Variants in GRID1 observed in about 807,000 individuals in gnomAD.
GRID1 encodes glutamate receptor ionotropic, delta-1.
GRID1 carries 28 observed loss-of-function variants against 98.0 expected under a neutral mutation model. The observed-to-expected ratio is 0.29, with a 90% CI of 0.21 to 0.39. GRID1 has a LOEUF of 0.39. GRID1 is among the 10% of genes least tolerant of loss of function. The pLI is 1.00. For missense variants in GRID1, 1,111 were observed against 1,340.5 expected, an observed-to-expected ratio of 0.83 and a Z score of 2.67; for synonymous variants, 553 against 538.5, an observed-to-expected ratio of 1.03 and a Z score of -0.37.
chr10:86,337,533 C>T (rs1848239937), intron 2 of GRID1, among the ~76,000 whole-genome samples: 1 of 152,058 alleles, frequency 6.6e-6, no homozygotes, highest in Non-Finnish European at 1.5e-5. Flanking sequence ...GTAGGGGTGG[C>T]CTAGACAGCC....
chr10:86,235,308 C>A (rs1235730960), intron 2 of GRID1, among the ~76,000 whole-genome samples: 1 of 152,234 alleles, frequency 6.6e-6, no homozygotes, highest in Non-Finnish European at 1.5e-5. Context: ...GACCACAGAC[C>A]CAGGCCTGGA....
intron 8 of GRID1, among the ~76,000 whole-genome samples, chr10:85,802,183 C>T (rs146690138): frequency 2.0e-5 from 3 of 152,162 alleles, no homozygotes; most frequent in African/African-American, 4.8e-5. Flanking sequence ...TTGTTCTATA[C>T]AGCCAAAGAA....
chr10:85,994,101 G>A (rs1252171772), intron 4 of GRID1, among the ~76,000 whole-genome samples: 3 of 152,204 alleles, frequency 2.0e-5, no homozygotes, highest in Non-Finnish European at 2.9e-5. Context: ...GCCAGGAGCT[G>A]CAAACGGCTT....
intron 8 of GRID1, among the ~76,000 whole-genome samples, chr10:85,775,708 A>G (rs1384352943): frequency 6.6e-6 from 1 of 152,200 alleles, no homozygotes; most frequent in Non-Finnish European, 1.5e-5. Context: ...AAATCATTTA[A>G]AAATTTTAAA....
chr10:85,602,780 T>C, intron 15 of GRID1, 79 bp from the exon 16 acceptor site: 1 of 1,054,218 alleles, frequency 9.5e-7, no homozygotes, highest in East Asian at 2.6e-5. Flanking sequence ...TGGATGTCTG[T>C]AGTCACCAGG....
chr10:86,326,823 C>G (rs1490946264), intron 2 of GRID1, among the ~76,000 whole-genome samples: 4 of 152,186 alleles, frequency 2.6e-5, no homozygotes, highest in African/African-American at 9.7e-5. Flanking sequence ...GGCCCTAAAA[C>G]AAGAACACAT....
chr10:85,615,657 A>G (rs1007054846), intron 14 of GRID1, among the ~76,000 whole-genome samples: 3 of 152,246 alleles, frequency 2.0e-5, no homozygotes, highest in African/African-American at 7.2e-5. Flanking sequence ...ATTGCCCCAG[A>G]ACACTACAGA....
At chr10:85,903,556 G>A (rs894504161) in intron 5 of GRID1, among the ~76,000 whole-genome samples, 1 of 151,764 alleles carries the variant, frequency 6.6e-6, no homozygotes, top group Non-Finnish European at 1.5e-5. Context: ...CAGCTACCAG[G>A]GTATAGTTTC....
At chr10:85,770,332 A>C (rs1320100347) in intron 8 of GRID1, among the ~76,000 whole-genome samples, 2 of 152,240 alleles carry the variant, frequency 1.3e-5, no homozygotes, top group African/African-American at 2.4e-5. Context: ...TCTATACATC[A>C]CCATCATCAA....
chr10:86,085,355 C>T (rs573088615), intron 4 of GRID1, among the ~76,000 whole-genome samples: 11 of 152,262 alleles, frequency 7.2e-5, no homozygotes, highest in South Asian at 2.1e-4. Flanking sequence ...AGAAGGACGG[C>T]GCAGGCACCC....
At chr10:86,228,572 A>AT (rs1272062138) in intron 2 of GRID1, among the ~76,000 whole-genome samples, 7 of 152,096 alleles carry the variant, frequency 4.6e-5, no homozygotes, top group Non-Finnish European at 7.4e-5. Context: ...GGCATCCCAG[A>AT]GCTGCCAGGT....
chr10:85,757,284 A>T (rs910694454), intron 8 of GRID1, among the ~76,000 whole-genome samples: 2 of 152,210 alleles, frequency 1.3e-5, no homozygotes, highest in African/African-American at 4.8e-5. Context: ...TGAGAAGGAA[A>T]GTTTTCCCTA....
At chr10:86,241,846 C>T (rs988991827) in intron 2 of GRID1, among the ~76,000 whole-genome samples, 1 of 152,166 alleles carries the variant, frequency 6.6e-6, no homozygotes, top group Non-Finnish European at 1.5e-5. Context: ...CCCCACCTGA[C>T]CCAGCCTGGT....
At chr10:85,982,193 C>A (rs201446394) in intron 4 of GRID1, among the ~76,000 whole-genome samples, 998 of 129,144 alleles carry the variant, frequency 7.7e-3, no homozygotes, top group Middle Eastern at 8.7e-3. Context: ...GCTCTTGCCA[C>A]AAAAAAAAAA....
intron 8 of GRID1, among the ~76,000 whole-genome samples, chr10:85,824,722 C>A (rs993260823): frequency 1.3e-5 from 2 of 152,128 alleles, no homozygotes; most frequent in Non-Finnish European, 2.9e-5. Flanking sequence ...TCTTCTGAGT[C>A]TCCAATATCT....
chr10:85,771,886 C>T (rs1464914970), intron 8 of GRID1, among the ~76,000 whole-genome samples: 12 of 152,150 alleles, frequency 7.9e-5, no homozygotes, highest in Non-Finnish European at 2.9e-5. Flanking sequence ...GACTTTAACA[C>T]CCCACTGTCA....
chr10:85,949,018 C>G (rs528593002), intron 4 of GRID1, among the ~76,000 whole-genome samples: 1 of 151,998 alleles, frequency 6.6e-6, no homozygotes, highest in South Asian at 2.1e-4. Context: ...GGAGAGAAAC[C>G]GTCTGGACAT....
At chr10:85,961,379 G>A (rs1225586118) in intron 4 of GRID1, among the ~76,000 whole-genome samples, 2 of 152,096 alleles carry the variant, frequency 1.3e-5, no homozygotes, top group African/African-American at 4.8e-5. Flanking sequence ...GAGCCCACCA[G>A]GGACCCTGGT....
chr10:85,835,041 A>T (rs1842901032), intron 8 of GRID1, among the ~76,000 whole-genome samples: 1 of 152,226 alleles, frequency 6.6e-6, no homozygotes, highest in Non-Finnish European at 1.5e-5. Context: ...AGTAGGAGTG[A>T]CTATATTAAT....
Sources: gnomAD v4.1 joint callset for allele counts (sites outside exome capture counted in the v4.1 genomes callset) on GRCh38, gnomAD v4.1.1 for gene constraint, MANE v1.5 for transcripts, NCBI Gene and HGNC (gene_info 2026-07-23, HGNC 2026-07-21) for gene names.